PRMT7: variants seen among roughly 807,000 people sequenced by gnomAD.
The protein encoded by PRMT7 is protein arginine N-methyltransferase 7.
A neutral mutation model predicts 85.4 loss-of-function variants in PRMT7; 75 were observed. The ratio of observed to expected loss-of-function variants is 0.88; its 90% CI spans 0.73 to 1.06. The LOEUF (loss-of-function observed/expected upper bound fraction) is 1.06. Ranked by LOEUF, PRMT7 falls within the 50% of genes least tolerant of loss-of-function variation. The pLI, the probability that PRMT7 is intolerant of heterozygous loss-of-function variation, is 0.00. For missense variants in PRMT7, 868 were observed against 915.2 expected, an observed-to-expected ratio of 0.95 and a Z score of 0.67; for synonymous variants, 397 against 359.5, an observed-to-expected ratio of 1.10 and a Z score of -1.18.
chr16:68,360,224 G>C (rs1014267942), downstream of PRMT7: 2 of 152,546 alleles, frequency 1.3e-5, no homozygotes, highest in Non-Finnish European at 2.9e-5. Flanking sequence ...GGTGTCCCGT[G>C]GGGGAGAGGA....
intron 5 of PRMT7, among the ~76,000 whole-genome samples, chr16:68,327,595 C>G (rs7206600): frequency 1.3e-5 from 2 of 152,034 alleles, no homozygotes; most frequent in Admixed American, 1.3e-4. Context: ...AGTAGTTTCC[C>G]CTTATCTATG....
chr16:68,325,145 C>T (rs945494870), intron 5 of PRMT7, among the ~76,000 whole-genome samples: 2 of 151,554 alleles, frequency 1.3e-5, no homozygotes, highest in South Asian at 2.1e-4. Flanking sequence ...ATTGCTTGAG[C>T]CCAGGAGTTT....
At chr16:68,358,981 C>G (rs4238741), downstream of PRMT7, 152,787 of 152,790 alleles carry the variant, frequency 1, 76,392 homozygotes, top group Middle Eastern at 1. Context: ...TACTCTGGAC[C>G]CCAGGACCTG....
chr16:68,337,690 A>C, intron 7 of PRMT7, 119 bp downstream of exon 7: 1 of 454,340 alleles, frequency 2.2e-6, no homozygotes. Context: ...CACCTGGGAC[A>C]CCCCTCCATT....
Position 68,334,994 on chromosome 16 carries a change from A to G in PRMT7, c.392-2465A>G, listed in dbSNP as rs559402095. ...GTATTTTTAGTAGAGACAAGGTTTC[A>G]CCACATTGGCCAGGCTGGTATCGAA... On this transcript the variant is annotated intron_variant, in intron 6 of 18. Coordinates refer to ENST00000441236, the MANE Select transcript of PRMT7 (RefSeq NM_019023.5). Among the ~76,000 whole-genome samples, 4 of 152,100 alleles carry G rather than the reference A, an allele frequency of 2.6e-5. No individual in the cohort carries two copies. In the East Asian group the frequency reaches 5.8e-4, roughly 22 times the overall value.
At chr16:68,343,166 T>C (rs1385914208) in intron 9 of PRMT7, among the ~76,000 whole-genome samples, 1 of 151,984 alleles carries the variant, frequency 6.6e-6, no homozygotes, top group East Asian at 1.9e-4. Context: ...ACTGCACCAT[T>C]GCCCTCCAGC....
At chr16:68,331,816 T>G (rs2083951937) in intron 6 of PRMT7, among the ~76,000 whole-genome samples, 1 of 152,226 alleles carries the variant, frequency 6.6e-6, no homozygotes. Flanking sequence ...AAGTTCCACT[T>G]GATTCTTTTT....
At chr16:68,323,378 C>G (rs1027395331) in intron 4 of PRMT7, among the ~76,000 whole-genome samples, 1 of 151,928 alleles carries the variant, frequency 6.6e-6, no homozygotes, top group African/African-American at 2.4e-5. Flanking sequence ...GCCACCATGC[C>G]TGGCTAATTT....
chr16:68,326,739 T>G (rs145503249), intron 5 of PRMT7, among the ~76,000 whole-genome samples: 1 of 152,230 alleles, frequency 6.6e-6, no homozygotes, highest in East Asian at 1.9e-4. Flanking sequence ...CTCACCTGAT[T>G]TCAGGGGAGA....
At chr16:68,347,047 C>T (rs978747901) in intron 11 of PRMT7, among the ~76,000 whole-genome samples, 164 bp from the exon 12 acceptor site, 2 of 151,740 alleles carry the variant, frequency 1.3e-5, no homozygotes, top group Non-Finnish European at 2.9e-5. Flanking sequence ...GTGAGCAAGG[C>T]GGGCATGTTT....
intron 9 of PRMT7, among the ~76,000 whole-genome samples, chr16:68,341,982 T>A (rs1055565819): frequency 6.6e-6 from 1 of 152,140 alleles, no homozygotes; most frequent in Non-Finnish European, 1.5e-5. Context: ...CGGTTATCAT[T>A]TAAAGTATTA....
At chr16:68,323,634 A>T (rs1257377376) in intron 4 of PRMT7, 1 of 151,954 alleles carries the variant, frequency 6.6e-6, no homozygotes, top group African/African-American at 2.4e-5. Context: ...TTTTTTCTTC[A>T]GTTGTGTTTC....
At chr16:68,333,863 C>T (rs995674290) in intron 6 of PRMT7, among the ~76,000 whole-genome samples, 2 of 152,158 alleles carry the variant, frequency 1.3e-5, no homozygotes, top group Non-Finnish European at 2.9e-5. Flanking sequence ...ACCTCCACCT[C>T]CCGGATTCAA....
chr16:68,348,556 T>G (rs990388265), intron 14 of PRMT7, 125 bp downstream of exon 14: 1 of 456,936 alleles, frequency 2.2e-6, no homozygotes, highest in Non-Finnish European at 3.8e-6. Flanking sequence ...CAACCTTACC[T>G]CCTACGAGCT....
intron 10 of PRMT7, 33 bp downstream of exon 10, chr16:68,345,835 C>T: frequency 1.2e-6 from 2 of 1,612,178 alleles, no homozygotes; most frequent in Non-Finnish European, 1.7e-6. Flanking sequence ...GGAGGATGAG[C>T]CTCTGAGACT....
intron 17 of PRMT7, 114 bp downstream of exon 17, chr16:68,355,997 C>A: frequency 8.5e-7 from 1 of 1,179,204 alleles, no homozygotes; most frequent in Non-Finnish European, 1.1e-6. Context: ...AGGGGGTATT[C>A]GTCCTCCCCA....
downstream of PRMT7, chr16:68,360,135 G>A (rs1466425343): frequency 6.6e-6 from 1 of 152,648 alleles, no homozygotes; most frequent in Non-Finnish European, 1.5e-5. Context: ...CCCACCCGGG[G>A]GGCAGGCAGG....
At position 68,357,637 on chromosome 16, in the gene PRMT7, G is replaced by C. The variant is rs1489076905; in HGVS notation, c.*413G>C. 1 of 90,416 alleles carries C rather than the reference G, an allele frequency of 1.1e-5. No homozygotes were observed. The highest frequency in any genetic ancestry group is 2.1e-5 in the Non-Finnish European group (1 of 47,222). 5.6% of individuals were successfully genotyped at this position (90,416 alleles called of 1,614,324 possible). ...CTGTCCTGTCTGTCTCACTCTCGAG[G>C]ATCTCCGGGTCCCTGCTCTTCTGGC... On this transcript the variant is annotated 3_prime_UTR_variant, in exon 19 of 19. Transcript: ENST00000441236.
At chr16:68,360,479 C>A, downstream of PRMT7, 1 of 152,596 alleles carries the variant, frequency 6.6e-6, no homozygotes. Context: ...GGGAAGGGAC[C>A]CTGTCTCGGG....
Sources: allele counts gnomAD v4.1 joint callset (sites outside exome capture counted in the v4.1 genomes callset), GRCh38; gene constraint gnomAD v4.1.1; transcripts MANE v1.5; gene names NCBI Gene and HGNC (gene_info 2026-07-23, HGNC 2026-07-21).